MAP3K13: variants seen among roughly 807,000 people sequenced by gnomAD.
MAP3K13 encodes mitogen-activated protein kinase kinase kinase 13, also known as leucine zipper-bearing kinase.
MAP3K13 carries 52 observed loss-of-function variants against 104.0 expected under a neutral mutation model. The observed-to-expected ratio is 0.50, with a 90% CI of 0.40 to 0.63. The LOEUF (loss-of-function observed/expected upper bound fraction) is 0.63, where lower values mean the gene tolerates loss of function less well. Ranked by LOEUF, MAP3K13 falls within the 20% of genes least tolerant of loss-of-function variation. The pLI, the probability that MAP3K13 is intolerant of heterozygous loss-of-function variation, is 0.00. For synonymous variants in MAP3K13, 394 were observed against 442.2 expected, an observed-to-expected ratio of 0.89 and a Z score of 1.37; for missense variants, 914 against 1,218.5, an observed-to-expected ratio of 0.75 and a Z score of 3.72.
At chr3:185,414,536 A>G (rs1490996545) in intron 1 of MAP3K13, among the ~76,000 whole-genome samples, 1 of 152,190 alleles carries the variant, frequency 6.6e-6, no homozygotes, top group Non-Finnish European at 1.5e-5. Context: ...CATTCTTAAG[A>G]AAGGCCTGAA....
At chr3:185,337,434 G>A (rs145666059) in intron 2 of MAP3K13, among the ~76,000 whole-genome samples, 6 of 152,156 alleles carry the variant, frequency 3.9e-5, no homozygotes, top group Non-Finnish European at 7.3e-5. Flanking sequence ...CACGCTTTAC[G>A]GTATTTTATG....
intron 2 of MAP3K13, among the ~76,000 whole-genome samples, chr3:185,291,101 G>T (rs773642411): frequency 6.6e-6 from 1 of 152,154 alleles, no homozygotes; most frequent in Non-Finnish European, 1.5e-5. Context: ...CTATTTGAAG[G>T]CATTGTTTCT....
intron 10 of MAP3K13, among the ~76,000 whole-genome samples, chr3:185,471,451 CTTTTT>C (rs71164510): frequency 5.3e-5 from 4 of 75,440 alleles, no homozygotes; most frequent in Non-Finnish European, 6.9e-5. Flanking sequence ...ACGACCTTTA[CTTTTT>C]TTTTTTTTTT....
intron 1 of MAP3K13, among the ~76,000 whole-genome samples, chr3:185,397,315 T>G (rs950601044): frequency 2.6e-5 from 4 of 152,220 alleles, no homozygotes; most frequent in Non-Finnish European, 4.4e-5. Flanking sequence ...TCTAGTCCAA[T>G]TCCTTCAGTT....
intron 4 of MAP3K13, among the ~76,000 whole-genome samples, chr3:185,445,282 T>C (rs1433805606): frequency 6.6e-6 from 1 of 152,200 alleles, no homozygotes; most frequent in Non-Finnish European, 1.5e-5. Context: ...CTGCCTTTCC[T>C]CCATGGACGG....
rs1185716034 is a variant in MAP3K13, at chr3:185,428,897, G to T, written c.316G>T (p.Asp106Tyr). ...AVSQGNSNTV[D>Y]GESTSGTEDI... ...GTCTCAGGGGAACAGCAACACGGTG[G>T]ACGGAGAGAGCACAAGCGGAACTGA... Residue 106 changes from aspartate to tyrosine, a missense_variant, in exon 2 of 14, where the codon GAC becomes TAC. Asp to Tyr is a radical substitution (Grantham distance 160). This residue lies in a region of MAP3K13 where 156 missense variants were observed against 159.8 expected (regional missense o/e 0.98). Transcript: ENST00000265026. The T allele has an allele frequency of 1.2e-6, 2 of 1,614,204 alleles. No homozygotes were observed. The highest frequency in any genetic ancestry group is 1.7e-6 in the Non-Finnish European group (2 of 1,180,032).
chr3:185,286,214 G>A (rs746166812), intron 2 of MAP3K13, among the ~76,000 whole-genome samples: 2 of 151,722 alleles, frequency 1.3e-5, no homozygotes, highest in African/African-American at 2.4e-5. Context: ...TCTCAAGGGG[G>A]CAAAATTTCT....
chr3:185,350,089 A>G (rs1217283028), intron 2 of MAP3K13, among the ~76,000 whole-genome samples: 4 of 152,262 alleles, frequency 2.6e-5, no homozygotes, highest in Non-Finnish European at 4.4e-5. Context: ...AGCATGTTTT[A>G]TTAGGTTCAA....
At chr3:185,368,941 A>G (rs369793093) in intron 1 of MAP3K13, among the ~76,000 whole-genome samples, 18 of 144,066 alleles carry the variant, frequency 1.2e-4, no homozygotes, top group African/African-American at 3.8e-4. Flanking sequence ...CCTGGGCAAT[A>G]AGAGTGAAAC....
At chr3:185,452,397 T>G (rs1317664372) in intron 7 of MAP3K13, among the ~76,000 whole-genome samples, 2 of 151,872 alleles carry the variant, frequency 1.3e-5, no homozygotes, top group Non-Finnish European at 2.9e-5. Flanking sequence ...CTAATTTTTG[T>G]TTTTTGTTTT....
At chr3:185,400,905 G>GTTTTTTTTTTTTTTTTTTTTTTTTTT (rs71164506) in intron 1 of MAP3K13, among the ~76,000 whole-genome samples, 3 of 107,292 alleles carry the variant, frequency 2.8e-5, no homozygotes, top group East Asian at 2.7e-4. Flanking sequence ...GTGTTTGTTT[G>GTTTTTTTTTTTTTTTTTTTTTTTTTT]TTTTTTTTTT....
chr3:185,287,245 C>T (rs934039510), intron 2 of MAP3K13, among the ~76,000 whole-genome samples: 5 of 152,228 alleles, frequency 3.3e-5, no homozygotes, highest in Admixed American at 6.5e-5. Context: ...TGGCATAGTT[C>T]TGAACTTCAC....
chr3:185,455,159 T>TGA (rs1235699501), intron 7 of MAP3K13, among the ~76,000 whole-genome samples: 4 of 49,232 alleles, frequency 8.1e-5, no homozygotes, highest in African/African-American at 2.4e-4. Flanking sequence ...GAGATATATA[T>TGA]GATATATATG....
chr3:185,479,087 G>A (rs781041976), intron 12 of MAP3K13, among the ~76,000 whole-genome samples: 4 of 152,148 alleles, frequency 2.6e-5, no homozygotes, highest in Admixed American at 1.3e-4. Context: ...CCCCAGAAGC[G>A]TTGGCTCATC....
At chr3:185,437,337 A>G (rs1387786152) in intron 2 of MAP3K13, 110 bp from the exon 3 acceptor site, 2 of 866,456 alleles carry the variant, frequency 2.3e-6, no homozygotes, top group East Asian at 2.5e-5. Context: ...GCCGGGAGAC[A>G]GAGGGTAAGG....
At chr3:185,455,803 T>C (rs1319043246) in intron 7 of MAP3K13, among the ~76,000 whole-genome samples, 1 of 126,572 alleles carries the variant, frequency 7.9e-6, no homozygotes, top group Non-Finnish European at 1.6e-5. Flanking sequence ...ATATGAGATA[T>C]ATGAGATATA....
intron 2 of MAP3K13, among the ~76,000 whole-genome samples, chr3:185,302,772 A>G (rs1005433729): frequency 1.3e-5 from 2 of 152,206 alleles, no homozygotes; most frequent in Non-Finnish European, 2.9e-5. Flanking sequence ...TAATCAAGCC[A>G]TCTGTGAACA....
rs1432098964 is a variant in MAP3K13, at chr3:185,368,163, AAATT to A, written c.-86+4806_-86+4809del. 2.0e-5 allele frequency among the ~76,000 whole-genome samples: 3 copies of A among 152,138 alleles called. No individual in the cohort carries two copies. In the East Asian group the frequency reaches 5.8e-4, roughly 29 times the overall value. On this transcript the variant is annotated intron_variant, in intron 1 of 13. Coordinates refer to ENST00000265026, the MANE Select transcript of MAP3K13 (RefSeq NM_004721.5). ...GTAACAGAACAGACCCTGTCTCAAA[AAATT>A]AATTAATTAAATGTAATCTTTGTGA...
chr3:185,416,495 G>T (rs1488713801), intron 1 of MAP3K13, among the ~76,000 whole-genome samples: 1 of 151,894 alleles, frequency 6.6e-6, no homozygotes, highest in African/African-American at 2.4e-5. Flanking sequence ...GAGTTATGGC[G>T]AGGTTAGTGA....
Sources: allele counts gnomAD v4.1 joint callset (sites outside exome capture counted in the v4.1 genomes callset), GRCh38; gene constraint gnomAD v4.1.1; regional missense constraint gnomAD v4.1.1; transcripts MANE v1.5; gene names NCBI Gene and HGNC (gene_info 2026-07-23, HGNC 2026-07-21).